Variants in FBXW4 observed in about 807,000 individuals in gnomAD.
FBXW4 encodes F-box and WD repeat domain containing 4.
In FBXW4, 40 loss-of-function variants were observed where a neutral mutation model predicts 61.8. The ratio of observed to expected loss-of-function variants is 0.65; its 90% confidence interval spans 0.50 to 0.84. The LOEUF is 0.84. Among genes scored for constraint, FBXW4 ranks in the 40% least tolerant of loss-of-function variants. The probability of loss-of-function intolerance (pLI) is 0.00; values close to 1 mark genes in which losing one functional copy is unlikely to be tolerated. For synonymous variants in FBXW4, 311 were observed against 313.8 expected (o/e 0.99, Z 0.10); for missense variants, 672 against 753.8 (o/e 0.89, Z 1.27).
At chr10:101,683,271 C>T (rs1294346235) in intron 1 of FBXW4, among the ~76,000 whole-genome samples, 1 of 152,182 alleles carries the variant, frequency 6.6e-6, no homozygotes, top group Non-Finnish European at 1.5e-5. Context: ...TGATTAGTGC[C>T]CTGTAAATAA....
intron 5 of FBXW4, among the ~76,000 whole-genome samples, chr10:101,650,984 G>A (rs758882720): frequency 6.6e-6 from 1 of 152,184 alleles, no homozygotes; most frequent in Non-Finnish European, 1.5e-5. Context: ...CAAATCTCCC[G>A]CCTGGGCCCT....
At chr10:101,642,127 T>C (rs10883670) in intron 5 of FBXW4, among the ~76,000 whole-genome samples, 28,620 of 152,110 alleles carry the variant, frequency 0.19, 2,903 homozygotes, top group Middle Eastern at 0.24. Context: ...GACTGTGCCA[T>C]TGCACTCCAG....
At chr10:101,681,483 C>T (rs944393825) in intron 1 of FBXW4, among the ~76,000 whole-genome samples, 2 of 150,082 alleles carry the variant, frequency 1.3e-5, no homozygotes, top group Non-Finnish European at 3.0e-5. Context: ...TTTGGGAGGC[C>T]GAGGCAGGCG....
chr10:101,631,040 A>G (rs1364793397), intron 5 of FBXW4, among the ~76,000 whole-genome samples: 2 of 152,238 alleles, frequency 1.3e-5, no homozygotes, highest in Non-Finnish European at 2.9e-5. Flanking sequence ...AAGACCAGGC[A>G]GGGGAAGATA....
intron 6 of FBXW4, chr10:101,622,841 A>G (rs1315688928): frequency 6.6e-6 from 1 of 152,158 alleles, no homozygotes; most frequent in African/African-American, 2.4e-5. Flanking sequence ...TCAAAACTCA[A>G]TGGTAAAAAA....
In FBXW4 at chr10:101,611,560, C is replaced by T; in HGVS notation, c.1584+68G>A. On this transcript the variant is annotated intron_variant, in intron 8 of 8. Transcript: ENST00000331272. This position sits in a 1 kb window ranked among gnomAD's most constrained non-coding sequence, Gnocchi z 4.9. ...CTAGGCACGTCCTTGGCTACCTCAC[C>T]CTCTCCCAAATGCAGCCCATAATCA... 1.3e-6 allele frequency: 2 copies of T among 1,591,018 alleles called. No homozygotes were observed. The highest frequency in any genetic ancestry group is 1.7e-6 in the Non-Finnish European group (2 of 1,164,606).
chr10:101,617,860 A>AAG (rs1404902563), intron 6 of FBXW4, among the ~76,000 whole-genome samples: 1 of 152,232 alleles, frequency 6.6e-6, no homozygotes, highest in Non-Finnish European at 1.5e-5. Context: ...GAAAGAAAGA[A>AAG]AGAAATTACA....
chr10:101,637,224 A>C (rs1252595239), intron 5 of FBXW4, among the ~76,000 whole-genome samples: 1 of 147,710 alleles, frequency 6.8e-6, no homozygotes, highest in Non-Finnish European at 1.5e-5. Flanking sequence ...TCTACTAAAA[A>C]TACAAAAAAA....
chr10:101,651,109 C>T lies in FBXW4; in HGVS notation c.1235+16777G>A, dbSNP rs148390480. On this transcript the variant is annotated intron_variant, in intron 5 of 8. Transcript: ENST00000331272. ...CACATTCCTTCGAGAAACAGGAGCA[C>T]ACCAGTCTCTGAGCCCCCAGCTCTG... 2.4e-3 allele frequency among the ~76,000 whole-genome samples: 371 copies of T among 152,298 alleles called. 3 individuals are homozygous for T. The highest frequency in any genetic ancestry group is 8.6e-3 in the African/African-American group (356 of 41,560).
intron 5 of FBXW4, among the ~76,000 whole-genome samples, chr10:101,665,365 A>G (rs952719586): frequency 1.3e-5 from 2 of 152,172 alleles, no homozygotes; most frequent in Non-Finnish European, 2.9e-5. Flanking sequence ...AATCATCCCA[A>G]GGCTGAGGTG....
intron 6 of FBXW4, among the ~76,000 whole-genome samples, chr10:101,618,507 T>G (rs184287742): frequency 1.0e-3 from 158 of 152,218 alleles, no homozygotes; most frequent in African/African-American, 3.7e-3. Flanking sequence ...GCCCCTGCCT[T>G]TGTTGAGAAA....
intron 4 of FBXW4, among the ~76,000 whole-genome samples, chr10:101,671,966 A>C (rs1480077923): frequency 6.6e-6 from 1 of 152,238 alleles, no homozygotes; most frequent in African/African-American, 2.4e-5. Context: ...TACATAAATT[A>C]GCAATATTTC....
rs375530355 is a variant in FBXW4 at position 101,695,155 on chromosome 10, G to A, written c.-50C>T. On this transcript the variant is annotated 5_prime_UTR_variant, in exon 1 of 9. Coordinates refer to ENST00000331272, the MANE Select transcript of FBXW4 (RefSeq NM_022039.4). The surrounding 1 kb of genome is among the most constrained non-coding windows in gnomAD (Gnocchi z 4.2). ...GCGGAGCCCAGCCCGAGCCGCCACC[G>A]CCGCCGCCCCGGGAGGAGGCGACAC... The A allele has an allele frequency of 1.5e-4, 152 of 985,122 alleles. No individual in the cohort carries two copies. In the Middle Eastern group the frequency reaches 2.6e-3, roughly 17 times the overall value. 61.0% of individuals were successfully genotyped at this position (985,122 alleles called of 1,614,324 possible).
intron 5 of FBXW4, among the ~76,000 whole-genome samples, chr10:101,647,555 T>C (rs1319412462): frequency 1.3e-5 from 2 of 152,184 alleles, no homozygotes; most frequent in East Asian, 3.9e-4. Context: ...TGTTTTTGTC[T>C]TGCATTTCTG....
chr10:101,695,246 C>G, upstream of FBXW4: 1 of 967,792 alleles, frequency 1.0e-6, no homozygotes, highest in South Asian at 4.8e-5. The surrounding 1 kb of genome is among the most constrained non-coding windows in gnomAD (Gnocchi z 4.2). Flanking sequence ...ACACCTGCAG[C>G]CTTGGAGCCA....
chr10:101,632,009 A>T (rs2063962802), intron 5 of FBXW4, among the ~76,000 whole-genome samples: 1 of 152,174 alleles, frequency 6.6e-6, no homozygotes, highest in Non-Finnish European at 1.5e-5. Flanking sequence ...CCTGAAGGTG[A>T]GCGACCTGGT....
rs1378247745 is a variant in FBXW4 at position 101,676,437 on chromosome 10, C to T, written c.726-1G>A. 3 of 1,611,000 alleles carry T rather than the reference C, an allele frequency of 1.9e-6. No individual in the cohort carries two copies. The highest frequency in any genetic ancestry group is 2.5e-6 in the Non-Finnish European group (3 of 1,178,082). On this transcript the variant is annotated splice_acceptor_variant, in intron 1 of 8. Transcript: ENST00000331272. LOFTEE classifies it high-confidence loss of function. ...TTCCTTCACTGGGACACTGGTCATCCTATGTCCAGACAGAACAGATAATCC... is the reference window on the plus strand; with the variant it reads ...TTCCTTCACTGGGACACTGGTCATCTTATGTCCAGACAGAACAGATAATCC...
rs2064661583 is a variant in FBXW4 at position 101,694,992 on chromosome 10, C to T, written c.114G>A (p.Lys38=). ...CTCTCGCTTTTCCCTTCCCCTTCCCCTTCCTTCGCTTCCCCCTCGCCACCC... is the reference window on the plus strand; with the variant it reads ...CTCTCGCTTTTCCCTTCCCCTTCCCTTTCCTTCGCTTCCCCCTCGCCACCC... The part of the protein sequence containing the change: ...EGRVARGKRR[K]GKGKGKARAG... Residue 38 remains lysine (K), a synonymous_variant, in exon 1 of 9, where the codon AAG becomes AAA. Transcript: ENST00000331272. This position sits in a 1 kb window ranked among gnomAD's most constrained non-coding sequence, Gnocchi z 6.0. 2 of 1,139,358 alleles carry T rather than the reference C, an allele frequency of 1.8e-6. No individual in the cohort carries two copies. The highest frequency in any genetic ancestry group is 2.2e-6 in the Non-Finnish European group (2 of 927,612). The allele number at this position is 1,139,358 out of a possible 1,614,324, so 70.6% of individuals were successfully genotyped here. A position where few individuals can be genotyped will look rare whatever the true frequency, so the allele number is the denominator to read the frequency against.
At chr10:101,684,603 C>T (rs1564927147) in intron 1 of FBXW4, among the ~76,000 whole-genome samples, 1 of 152,190 alleles carries the variant, frequency 6.6e-6, no homozygotes, top group Non-Finnish European at 1.5e-5. Context: ...CTTGATTTCT[C>T]TTATCTTCTT....
Sources: allele counts gnomAD v4.1 joint callset (sites outside exome capture counted in the v4.1 genomes callset), GRCh38; gene constraint gnomAD v4.1.1; non-coding constraint Gnocchi (gnomAD v3.1); transcripts MANE v1.5; gene names NCBI Gene and HGNC (gene_info 2026-07-23, HGNC 2026-07-21).